CSNK2A1: variants seen among roughly 807,000 people sequenced by gnomAD.
CSNK2A1 encodes casein kinase 2 alpha 1, also known as casein kinase II subunit alpha.
Under a neutral mutation model 62.9 loss-of-function variants are expected in CSNK2A1, and 10 were observed. The ratio of observed to expected loss-of-function variants is 0.16; its 90% CI spans 0.10 to 0.27. The LOEUF is 0.27. Among genes scored for constraint, CSNK2A1 ranks in the 10% least tolerant of loss-of-function variants. CSNK2A1 has a pLI of 1.00. For missense variants in CSNK2A1, 160 were observed against 492.0 expected, an observed-to-expected ratio of 0.33 and a Z score of 6.38; for synonymous variants, 124 against 167.8, an observed-to-expected ratio of 0.74 and a Z score of 2.02.
chr20:487,987 TA>T (rs772082291), intron 11 of CSNK2A1: 266 of 241,246 alleles, frequency 1.1e-3, no homozygotes, highest in Non-Finnish European at 1.8e-3. Context: ...TGGTTAAGTG[TA>T]TAAGTACTAT....
At chr20:490,335 CTT>C (rs907727482) in intron 9 of CSNK2A1, among the ~76,000 whole-genome samples, 1 of 84,802 alleles carries the variant, frequency 1.2e-5, no homozygotes, top group Non-Finnish European at 2.1e-5. Context: ...CTAGTTTTTT[CTT>C]TTTTTTTTTT....
chr20:487,642 A>G (rs1381098729), intron 11 of CSNK2A1, 67 bp from the exon 12 acceptor site: 1 of 1,606,460 alleles, frequency 6.2e-7, no homozygotes, highest in African/African-American at 1.3e-5. Flanking sequence ...TTTCATTCCT[A>G]CATTTTTCTT....
intron 1 of CSNK2A1, among the ~76,000 whole-genome samples, chr20:542,320 G>C (rs1336810762): frequency 1.3e-5 from 2 of 152,210 alleles, no homozygotes; most frequent in Non-Finnish European, 2.9e-5. Flanking sequence ...CAGCTAAGTA[G>C]CAATGGCCCT....
intron 1 of CSNK2A1, among the ~76,000 whole-genome samples, chr20:528,975 G>A (rs897655793): frequency 1.3e-5 from 2 of 152,188 alleles, no homozygotes; most frequent in Admixed American, 6.5e-5. Flanking sequence ...TCAGTTACCC[G>A]CAGTCAACTG....
chr20:486,453 A>G lies in CSNK2A1; in HGVS notation c.983T>C (p.Val328Ala), dbSNP rs2018101424. The change falls in exon 13 of 14, where the codon GTG becomes GCG. Residue 328 changes from valine (V) to alanine (A), a missense_variant. By Grantham distance (64) the Val-to-Ala change is moderately conservative. Transcript: ENST00000217244. ...AMEHPYFYTV[V>A]KDQARMGSSS... ...TGAACCCATTCGAGCCTGGTCCTTC[A>G]CAACAGTGTCTAGAAAAGAGACAAA... is the stretch of plus-strand genomic sequence containing the variant. The G allele has an allele frequency of 6.2e-7, 1 of 1,613,262 alleles. No homozygotes were observed. Among genetic ancestry groups the G allele is most frequent in the Non-Finnish European group, 8.5e-7 (1 of 1,179,858 alleles).
At chr20:510,781 A>C (rs2018703378) in intron 2 of CSNK2A1, among the ~76,000 whole-genome samples, 1 of 152,102 alleles carries the variant, frequency 6.6e-6, no homozygotes, top group Non-Finnish European at 1.5e-5. Flanking sequence ...CAGTGGTCTG[A>C]TCACAGCTCA....
At chr20:515,693 C>A (rs2018815227) in intron 2 of CSNK2A1, among the ~76,000 whole-genome samples, 1 of 152,182 alleles carries the variant, frequency 6.6e-6, no homozygotes, top group Non-Finnish European at 1.5e-5. Context: ...AAGTTAAGAA[C>A]CATGTTTAAT....
chr20:521,301 GA>G (rs2018940051), intron 2 of CSNK2A1, among the ~76,000 whole-genome samples: 1 of 152,122 alleles, frequency 6.6e-6, no homozygotes, highest in African/African-American at 2.4e-5. Flanking sequence ...ATAAGTATAT[GA>G]AAAGATACAC....
intron 1 of CSNK2A1, among the ~76,000 whole-genome samples, chr20:529,425 T>C (rs1310849055): frequency 6.6e-6 from 1 of 152,190 alleles, no homozygotes; most frequent in African/African-American, 2.4e-5. Context: ...TCCAGCTGTA[T>C]ATGCCACCTG....
intron 1 of CSNK2A1, among the ~76,000 whole-genome samples, chr20:534,926 T>A (rs538419836): frequency 6.8e-6 from 1 of 147,576 alleles, no homozygotes; most frequent in Non-Finnish European, 1.5e-5. Context: ...CCCAGCTACT[T>A]GGGAGGCTGA....
intron 3 of CSNK2A1, chr20:506,593 A>G (rs1355148370): frequency 6.6e-6 from 1 of 152,204 alleles, no homozygotes; most frequent in East Asian, 1.9e-4. Flanking sequence ...AATAAGGCCT[A>G]AATTCTATCC....
chr20:485,908 T>C (rs1233850741), intron 13 of CSNK2A1, among the ~76,000 whole-genome samples: 2 of 152,234 alleles, frequency 1.3e-5, no homozygotes, highest in Non-Finnish European at 2.9e-5. Flanking sequence ...TGCGTCACAA[T>C]GATCCAATAA....
rs2018090193 is a variant in CSNK2A1 at position 486,014 on chromosome 20, A to G, written c.1060+362T>C. 2.0e-5 allele frequency among the ~76,000 whole-genome samples: 3 copies of G among 152,186 alleles called. No individual in the cohort carries two copies. In the South Asian group the frequency reaches 6.2e-4, roughly 32 times the overall value. ...ACTGTCCTTGTACACATACACACCTATGTATAAACCCCACCTCTATACCCC... is the reference window on the plus strand; with the variant it reads ...ACTGTCCTTGTACACATACACACCTGTGTATAAACCCCACCTCTATACCCC... On this transcript the variant is annotated intron_variant, in intron 13 of 13. Coordinates refer to ENST00000217244, the MANE Select transcript of CSNK2A1 (RefSeq NM_177559.3).
rs1190683107 is a variant in CSNK2A1, at chr20:485,099, A to T, written c.1061-1023T>A. ...AAAAAAAAAAAAAAAAAAAAAAAAA[A>T]AAAAAAAAAAATATATATATATATA... is the stretch of plus-strand genomic sequence containing the variant. On this transcript the variant is annotated intron_variant, in intron 13 of 13. Transcript: ENST00000217244. 4.7e-3 allele frequency among the ~76,000 whole-genome samples: 161 copies of T among 34,266 alleles called. 2 individuals are homozygous for T. Among genetic ancestry groups the T allele is most frequent in the African/African-American group, 5.3e-3 (54 of 10,238 alleles). 22.5% of individuals were successfully genotyped at this position (34,266 alleles called of 152,430 possible). A position where few individuals can be genotyped will look rare whatever the true frequency, so the allele number is the denominator to read the frequency against.
At chr20:488,826 A>G (rs1213963182) in intron 10 of CSNK2A1, 48 bp from the exon 11 acceptor site, 1 of 1,492,952 alleles carries the variant, frequency 6.7e-7, no homozygotes, top group Non-Finnish European at 9.2e-7. Context: ...ATATTATATT[A>G]ACAAATCAAC....
intron 2 of CSNK2A1, among the ~76,000 whole-genome samples, chr20:520,713 T>C (rs2018928057): frequency 6.6e-6 from 1 of 152,202 alleles, no homozygotes; most frequent in Admixed American, 6.5e-5. Context: ...TTGCCTAGGC[T>C]GGTCTCAAAT....
chr20:528,430 C>T (rs1355232687), intron 1 of CSNK2A1, among the ~76,000 whole-genome samples: 2 of 152,080 alleles, frequency 1.3e-5, no homozygotes, highest in Non-Finnish European at 2.9e-5. Flanking sequence ...GTCACTGATT[C>T]TTGGGATTTA....
chr20:518,178 T>C (rs752226919), intron 2 of CSNK2A1, among the ~76,000 whole-genome samples: 9 of 152,178 alleles, frequency 5.9e-5, no homozygotes, highest in Non-Finnish European at 1.2e-4. Flanking sequence ...CAAAAGGGAA[T>C]AGAAAATGCA....
chr20:486,656 A>T lies in CSNK2A1; in HGVS notation c.974-194T>A, dbSNP rs1043521311. ...AAAAAGCAGAAATAGCTTTCCTATCAAACTGTGGTAAAAGCTAACCTTTCA... is the reference window on the plus strand; with the variant it reads ...AAAAAGCAGAAATAGCTTTCCTATCTAACTGTGGTAAAAGCTAACCTTTCA... On this transcript the variant is annotated intron_variant, in intron 12 of 13. Coordinates refer to ENST00000217244, the MANE Select transcript of CSNK2A1 (RefSeq NM_177559.3). The T allele has an allele frequency of 3.4e-5, 18 of 534,948 alleles. No individual in the cohort carries two copies. The East Asian group carries it at 5.6e-4, about 17-fold the overall frequency. The allele number at this position is 534,948 out of a possible 1,614,324, so 33.1% of individuals were successfully genotyped here. A position where few individuals can be genotyped will look rare whatever the true frequency, so the allele number is the denominator to read the frequency against.
Sources: allele counts gnomAD v4.1 joint callset (sites outside exome capture counted in the v4.1 genomes callset), GRCh38; gene constraint gnomAD v4.1.1; transcripts MANE v1.5; gene names NCBI Gene and HGNC (gene_info 2026-07-23, HGNC 2026-07-21).